Variants in FER1L6 observed in about 807,000 individuals in gnomAD.
The protein encoded by FER1L6 is fer-1-like protein 6.
In FER1L6, 177 loss-of-function variants were observed where a neutral mutation model predicts 219.2. The ratio of observed to expected loss-of-function variants is 0.81; its 90% CI spans 0.71 to 0.91. The LOEUF (loss-of-function observed/expected upper bound fraction) is 0.91, where lower values mean the gene tolerates loss of function less well. Among genes scored for constraint, FER1L6 ranks in the 40% least tolerant of loss-of-function variants. The pLI is 0.00. For missense variants in FER1L6, 2,153 were observed against 2,259.9 expected (o/e 0.95, Z 0.96); for synonymous variants, 768 against 824.3 (o/e 0.93, Z 1.17).
At position 124,119,639 on chromosome 8, in the gene FER1L6, G is replaced by GC; in HGVS notation, c.5427dup (p.Phe1810LeufsTer2). 1 of 1,613,432 alleles carries GC rather than the reference G, an allele frequency of 6.2e-7. No homozygotes were observed. Among genetic ancestry groups the GC allele is most frequent in the Non-Finnish European group, 8.5e-7 (1 of 1,179,602 alleles). On this transcript the variant is annotated frameshift_variant, in exon 41 of 41. Transcript: ENST00000522917. LOFTEE classifies it high-confidence loss of function. ...GACACCTCCTTTTCGTGGTTCATGA[G>GC]CCCCTTTAAGTGCCTGTACTACCTC...
intron 16 of FER1L6, among the ~76,000 whole-genome samples, chr8:124,021,156 C>T (rs577102593): frequency 2.0e-5 from 3 of 152,220 alleles, no homozygotes; most frequent in African/African-American, 7.2e-5. Flanking sequence ...AGGGTAAACG[C>T]CTCCATGATT....
chr8:123,872,533 A>G (rs7815225), intron 1 of FER1L6, among the ~76,000 whole-genome samples: 151,565 of 152,246 alleles, frequency 1, 75,450 homozygotes, highest in Middle Eastern at 1. Flanking sequence ...ACTAAGACAA[A>G]CTGAATAAAT....
At chr8:124,051,453 G>A (rs1820024236) in intron 22 of FER1L6, among the ~76,000 whole-genome samples, 1 of 152,118 alleles carries the variant, frequency 6.6e-6, no homozygotes, top group African/African-American at 2.4e-5. Context: ...ATTAGTGTAT[G>A]GCCCTGTGTA....
chr8:123,858,114 G>T (rs542892897), intron 1 of FER1L6, among the ~76,000 whole-genome samples: 52 of 152,144 alleles, frequency 3.4e-4, no homozygotes, highest in African/African-American at 1.2e-3. Flanking sequence ...CTTCTCTGGC[G>T]ACTCCCTCCT....
rs888231452 is a variant in FER1L6, at chr8:124,076,434, G to A, written c.4220+109G>A. On this transcript the variant is annotated intron_variant, in intron 32 of 40. Coordinates refer to ENST00000522917, the MANE Select transcript of FER1L6 (RefSeq NM_001039112.2). ...TGTGTTCCTGGGTGAAATGGTTCCA[G>A]GAGGTTAAATACTGGCTTCTGCTCT... The A allele has an allele frequency of 7.1e-6, 8 of 1,119,474 alleles. No homozygotes were observed. The African/African-American group carries it at 1.1e-4, about 15-fold the overall frequency. 69.3% of individuals were successfully genotyped at this position (1,119,474 alleles called of 1,614,324 possible).
chr8:124,062,458 G>A (rs1489786522), intron 25 of FER1L6, among the ~76,000 whole-genome samples: 1 of 152,006 alleles, frequency 6.6e-6, no homozygotes, highest in Non-Finnish European at 1.5e-5. Flanking sequence ...TCTAATCCCA[G>A]TGCCCTCCCC....
intron 33 of FER1L6, among the ~76,000 whole-genome samples, chr8:124,090,410 A>T (rs1284266567): frequency 6.6e-6 from 1 of 152,188 alleles, no homozygotes; most frequent in Admixed American, 6.5e-5. Context: ...TGTTCAGAAG[A>T]ATTTCCTGGC....
intron 21 of FER1L6, among the ~76,000 whole-genome samples, chr8:124,049,107 G>C (rs549739211): frequency 2.2e-4 from 33 of 151,832 alleles, no homozygotes; most frequent in Admixed American, 2.1e-3. Context: ...GAGTGCAGTG[G>C]TGCGATCTCG....
Position 123,888,139 on chromosome 8 carries a change from C to T in FER1L6, c.-8+35954C>T, listed in dbSNP as rs191808876. On this transcript the variant is annotated intron_variant, in intron 1 of 40. Transcript: ENST00000522917. ...TCTCTTTTTTTTTCTTTTTTTGAGA[C>T]AGAGTCTCACTCTGTCTCCCATGTT... 6.2e-4 allele frequency among the ~76,000 whole-genome samples: 93 copies of T among 151,050 alleles called. 1 individual carries two copies. Among genetic ancestry groups the T allele is most frequent in the African/African-American group, 2.1e-3 (85 of 41,182 alleles).
chr8:123,859,699 C>CCACAACAGT (rs1586424348), intron 1 of FER1L6, among the ~76,000 whole-genome samples: 1 of 136,180 alleles, frequency 7.3e-6, no homozygotes, highest in East Asian at 2.2e-4. Context: ...TATCCCCTCC[C>CCACAACAGT]CCTTCCCCCC....
chr8:123,900,766 A>G (rs777116404), intron 1 of FER1L6, among the ~76,000 whole-genome samples: 8 of 151,984 alleles, frequency 5.3e-5, no homozygotes, highest in Non-Finnish European at 1.2e-4. Flanking sequence ...TGATCATGTG[A>G]TTCTTGTTTT....
At chr8:123,974,653 C>G (rs1396480839) in intron 7 of FER1L6, among the ~76,000 whole-genome samples, 1 of 52,298 alleles carries the variant, frequency 1.9e-5, no homozygotes, top group Non-Finnish European at 4.1e-5. Context: ...CAGCGAGACT[C>G]TGTCTCAAAA....
chr8:123,898,641 T>A (rs1812789184), intron 1 of FER1L6, among the ~76,000 whole-genome samples: 1 of 122,866 alleles, frequency 8.1e-6, no homozygotes, highest in South Asian at 2.6e-4. Flanking sequence ...TAGTATTCCA[T>A]TTTATATATA....
In FER1L6 at chr8:124,108,912, A is replaced by AG. The variant is rs201167866; in HGVS notation, c.5289+5609dup. On this transcript the variant is annotated intron_variant, in intron 39 of 40. Transcript: ENST00000522917. ...AAGGAAAGAAAAGAAAAAGGGAGGG[A>AG]GGGGGGAAGAATAGAACCTCTAGCA... Among the ~76,000 whole-genome samples the AG allele has an allele frequency of 9.6e-4, 146 of 152,048 alleles. 3 individuals are homozygous for AG. The East Asian group carries it at 0.026, about 27-fold the overall frequency.
chr8:123,910,062 T>G (rs553017709), intron 1 of FER1L6, among the ~76,000 whole-genome samples: 4 of 152,214 alleles, frequency 2.6e-5, no homozygotes, highest in South Asian at 2.1e-4. Context: ...TGGCACCTGC[T>G]GTGGCTTACA....
chr8:123,871,757 G>A (rs1357135459), intron 1 of FER1L6, among the ~76,000 whole-genome samples: 2 of 152,094 alleles, frequency 1.3e-5, no homozygotes, highest in African/African-American at 4.8e-5. Flanking sequence ...GTATGGTAAG[G>A]GGAGCGAAAA....
intron 14 of FER1L6, 144 bp downstream of exon 14, chr8:124,010,858 C>A: frequency 8.6e-7 from 1 of 1,166,908 alleles, no homozygotes; most frequent in East Asian, 2.4e-5. Context: ...CACGTGGATC[C>A]TACTATGCAA....
At chr8:124,000,870 G>A (rs1405395765) in intron 12 of FER1L6, among the ~76,000 whole-genome samples, 2 of 152,190 alleles carry the variant, frequency 1.3e-5, no homozygotes, top group Admixed American at 6.5e-5. Context: ...TCTGCATGAC[G>A]AGAAAATGGA....
chr8:123,925,071 T>A (rs928692621), intron 1 of FER1L6, among the ~76,000 whole-genome samples: 1 of 152,234 alleles, frequency 6.6e-6, no homozygotes, highest in African/African-American at 2.4e-5. Flanking sequence ...CAATTATTTG[T>A]TATTAATAAA....
Sources: allele counts gnomAD v4.1 joint callset (sites outside exome capture counted in the v4.1 genomes callset), GRCh38; gene constraint gnomAD v4.1.1; transcripts MANE v1.5; gene names NCBI Gene and HGNC (gene_info 2026-07-23, HGNC 2026-07-21).